WDPCP: variants seen among roughly 807,000 people sequenced by gnomAD.
The protein encoded by WDPCP is WD repeat containing planar cell polarity effector, also known as WD repeat-containing and planar cell polarity effector protein fritz homolog.
A neutral mutation model predicts 93.1 loss-of-function variants in WDPCP; 71 were observed. The ratio of observed to expected loss-of-function variants is 0.76; its 90% CI spans 0.63 to 0.93. WDPCP has a LOEUF of 0.93. Ranked by LOEUF, WDPCP falls within the 40% of genes least tolerant of loss-of-function variation. WDPCP has a pLI of 0.00. For missense variants in WDPCP, 844 were observed against 887.4 expected (o/e 0.95, Z 0.62); for synonymous variants, 315 against 315.0 (o/e 1.00, Z 0.00).
At chr2:63,834,407 A>T in the WDPCP span, among the ~76,000 whole-genome samples, 2 of 152,204 alleles carry the variant, frequency 1.3e-5, no homozygotes, top group Non-Finnish European at 2.9e-5. Context: ...TCTTTCTCCT[A>T]GTACTGCTCT....
At chr2:63,762,122 T>C (rs1670065041) in intron 2 of WDPCP, among the ~76,000 whole-genome samples, 1 of 152,208 alleles carries the variant, frequency 6.6e-6, no homozygotes, top group Non-Finnish European at 1.5e-5. Context: ...GGGGGCATTA[T>C]GGCCCAAATC....
At chr2:63,472,650 G>A (rs1401220814) in intron 6 of WDPCP, among the ~76,000 whole-genome samples, 1 of 151,902 alleles carries the variant, frequency 6.6e-6, no homozygotes, top group Non-Finnish European at 1.5e-5. Context: ...GTACAGTAGT[G>A]CGATCTTGGC....
At chr2:63,825,648 T>A (rs1671102418) in intron 1 of WDPCP, among the ~76,000 whole-genome samples, 1 of 151,944 alleles carries the variant, frequency 6.6e-6, no homozygotes, top group African/African-American at 2.4e-5. Flanking sequence ...GTTCTGTTCA[T>A]CATCACCCAG....
chr2:63,484,327 C>T (rs1558695538), intron 6 of WDPCP, among the ~76,000 whole-genome samples: 1 of 151,958 alleles, frequency 6.6e-6, no homozygotes, highest in Non-Finnish European at 1.5e-5. Context: ...TCTACTACAA[C>T]ATTCAGACAA....
At chr2:63,583,838 GT>G (rs2106559779) in intron 1 of WDPCP, among the ~76,000 whole-genome samples, 1 of 152,192 alleles carries the variant, frequency 6.6e-6, no homozygotes, top group Admixed American at 6.5e-5. Context: ...CATATGAGTG[GT>G]CAGTGCCTGT....
intron 2 of WDPCP, among the ~76,000 whole-genome samples, chr2:63,658,926 T>C: frequency 6.6e-6 from 1 of 152,190 alleles, no homozygotes. Context: ...TTTCGTCGTC[T>C]TGATTTAAAA....
chr2:63,784,987 T>C (rs1670445818), intron 2 of WDPCP, among the ~76,000 whole-genome samples: 1 of 152,190 alleles, frequency 6.6e-6, no homozygotes, highest in African/African-American at 2.4e-5. Flanking sequence ...AAACAATATA[T>C]ACAGAGCTTG....
chr2:63,319,456 A>G (rs1043581094), intron 12 of WDPCP, among the ~76,000 whole-genome samples: 4 of 152,234 alleles, frequency 2.6e-5, no homozygotes, highest in Non-Finnish European at 5.9e-5. Context: ...GGTTATCTCT[A>G]AATTTTTGCT....
At chr2:63,335,486 C>T (rs566428038) in intron 12 of WDPCP, among the ~76,000 whole-genome samples, 45 of 150,790 alleles carry the variant, frequency 3.0e-4, no homozygotes, top group African/African-American at 1.0e-3. Flanking sequence ...TGCAGTGGCA[C>T]GACCTCAGAT....
chr2:63,760,813 C>T (rs1290920481), intron 2 of WDPCP, among the ~76,000 whole-genome samples: 1 of 152,182 alleles, frequency 6.6e-6, no homozygotes, highest in Non-Finnish European at 1.5e-5. Context: ...ATTCTGCTTT[C>T]CTTGTGGGGT....
At chr2:63,604,677 T>C in intron 3 of WDPCP, 1 of 1,599,450 alleles carries the variant, frequency 6.3e-7, no homozygotes, top group Non-Finnish European at 8.6e-7. Flanking sequence ...AGTAATGTAT[T>C]TGTTTTCAAT....
chr2:63,314,675 A>G lies in WDPCP; in HGVS notation c.1749-1364T>C, dbSNP rs533852194. On this transcript the variant is annotated intron_variant, in intron 12 of 17. Coordinates refer to ENST00000272321, the MANE Select transcript of WDPCP (RefSeq NM_015910.7). ...TGCCTCCCCATGAAATCAGTATTCT[A>G]TGATCCTCTTTTATTTCTACCCACT... Among the ~76,000 whole-genome samples, 8 of 152,134 alleles carry G rather than the reference A, an allele frequency of 5.3e-5. No individual in the cohort carries two copies. The South Asian group carries it at 6.2e-4, about 12-fold the overall frequency.
At chr2:63,440,491 A>G (rs1697435507) in intron 6 of WDPCP, 3 of 152,276 alleles carry the variant, frequency 2.0e-5, no homozygotes, top group Admixed American at 6.6e-5. Flanking sequence ...ATAAAGGAAT[A>G]TAGTAGAGCA....
chr2:63,759,865 C>T (rs1220688578), intron 2 of WDPCP, among the ~76,000 whole-genome samples: 2 of 152,216 alleles, frequency 1.3e-5, no homozygotes, highest in Non-Finnish European at 2.9e-5. Flanking sequence ...CAAGTTCTTG[C>T]CTAATATACT....
At chr2:63,212,100 A>C (rs1676867907) in intron 14 of WDPCP, among the ~76,000 whole-genome samples, 2 of 152,184 alleles carry the variant, frequency 1.3e-5, no homozygotes, top group South Asian at 4.1e-4. Context: ...CAACATTCAA[A>C]TTAAGGAAAT....
At chr2:63,643,717 G>C (rs1710011946) in intron 3 of WDPCP, 1 of 507,150 alleles carries the variant, frequency 2.0e-6, no homozygotes, top group African/African-American at 1.9e-5. Context: ...ATGATGAACA[G>C]CAGAGTGACC....
chr2:63,730,164 T>C (rs1669540877), intron 2 of WDPCP, among the ~76,000 whole-genome samples: 1 of 152,076 alleles, frequency 6.6e-6, no homozygotes, highest in African/African-American at 2.4e-5. Flanking sequence ...TCTCATGCAA[T>C]CTTCACAAGG....
intron 1 of WDPCP, among the ~76,000 whole-genome samples, chr2:63,548,965 T>C (rs192345821): frequency 6.6e-6 from 1 of 152,224 alleles, no homozygotes; most frequent in Admixed American, 6.5e-5. Context: ...ATATCATCTG[T>C]TGGCCAGGCG....
chr2:63,632,246 G>A (rs866794385), intron 3 of WDPCP, among the ~76,000 whole-genome samples: 1 of 152,060 alleles, frequency 6.6e-6, no homozygotes, highest in Non-Finnish European at 1.5e-5. Flanking sequence ...AAAATACACA[G>A]ATATCAACAT....
Sources: gnomAD v4.1 joint callset for allele counts (sites outside exome capture counted in the v4.1 genomes callset) on GRCh38, gnomAD v4.1.1 for gene constraint, MANE v1.5 for transcripts, NCBI Gene and HGNC (gene_info 2026-07-23, HGNC 2026-07-21) for gene names.